The following YTHDC2 variants were observed in gnomAD, a reference collection of about 807,000 sequenced individuals.
YTHDC2 encodes the protein YTH N6-methyladenosine RNA binding protein C2, also known as 3'-5' RNA helicase YTHDC2.
In YTHDC2, 45 loss-of-function variants were observed where a neutral mutation model predicts 174.9. That is an observed-to-expected ratio of 0.26 (90% CI 0.20 to 0.33). The LOEUF is 0.33. Among genes scored for constraint, YTHDC2 ranks in the 10% least tolerant of loss-of-function variants. YTHDC2 has a pLI of 1.00. For missense variants in YTHDC2, 1,650 were observed against 1,723.7 expected, an observed-to-expected ratio of 0.96 and a Z score of 0.76; for synonymous variants, 657 against 574.5, an observed-to-expected ratio of 1.14 and a Z score of -2.05.
Position 113,524,967 on chromosome 5 carries a change from T to C in YTHDC2, c.279-14T>C, listed in dbSNP as rs754050563. On this transcript the variant is annotated splice_polypyrimidine_tract_variant and intron_variant, in intron 2 of 29. Coordinates refer to ENST00000161863, the MANE Select transcript of YTHDC2 (RefSeq NM_022828.5). ...ACTTTATATAGTAAATAAATGATTTTTATTAATATTCAGAAAGGGAGCAAA... is the reference window on the plus strand; with the variant it reads ...ACTTTATATAGTAAATAAATGATTTCTATTAATATTCAGAAAGGGAGCAAA... 9.0e-6 allele frequency: 14 copies of C among 1,552,894 alleles called. No individual in the cohort carries two copies. Among genetic ancestry groups the C allele is most frequent in the Middle Eastern group, 1.8e-4 (1 of 5,450 alleles).
chr5:113,566,446 CTTTTTTTT>C (rs34372128), intron 21 of YTHDC2, among the ~76,000 whole-genome samples: 1 of 122,440 alleles, frequency 8.2e-6, no homozygotes, highest in African/African-American at 3.2e-5. Flanking sequence ...TTGAAGTCAC[CTTTTTTTT>C]TTTTTTTTTT....
At chr5:113,588,324 C>T (rs1488537319) in intron 26 of YTHDC2, among the ~76,000 whole-genome samples, 1 of 151,882 alleles carries the variant, frequency 6.6e-6, no homozygotes, top group African/African-American at 2.4e-5. Flanking sequence ...AATTTCATTG[C>T]TTGATTTTCT....
intron 6 of YTHDC2, among the ~76,000 whole-genome samples, chr5:113,534,871 C>A (rs574327615): frequency 4.1e-4 from 63 of 152,214 alleles, no homozygotes; most frequent in Non-Finnish European, 4.9e-4. Flanking sequence ...GATGAGTTTA[C>A]CCCTTTGTTA....
At chr5:113,585,201 A>T (rs181374462) in intron 26 of YTHDC2, among the ~76,000 whole-genome samples, 3 of 138,362 alleles carry the variant, frequency 2.2e-5, no homozygotes, top group Admixed American at 7.0e-5. Context: ...TGGTTATATT[A>T]AAAAAAAAAC....
intron 20 of YTHDC2, among the ~76,000 whole-genome samples, chr5:113,564,985 T>C (rs1777235156): frequency 1.3e-5 from 2 of 152,108 alleles, no homozygotes; most frequent in African/African-American, 4.8e-5. Flanking sequence ...AGCTAATTTT[T>C]GTGTTTTTAG....
intron 10 of YTHDC2, among the ~76,000 whole-genome samples, chr5:113,546,642 A>G (rs1775905801): frequency 6.6e-6 from 1 of 152,212 alleles, no homozygotes; most frequent in Admixed American, 6.5e-5. Flanking sequence ...ATTACAGATG[A>G]TTCTAACACT....
At chr5:113,580,301 A>G (rs1369041596) in intron 24 of YTHDC2, among the ~76,000 whole-genome samples, 3 of 152,290 alleles carry the variant, frequency 2.0e-5, no homozygotes, top group East Asian at 3.9e-4. Flanking sequence ...TTCTGGATAT[A>G]TAAGAAAGTA....
rs1031025103 is a variant in YTHDC2, at chr5:113,553,962, T to C, written c.2073T>C (p.Ala691=). The C allele has an allele frequency of 1.9e-6, 3 of 1,587,702 alleles. No individual in the cohort carries two copies. Among genetic ancestry groups the C allele is most frequent in the East Asian group, 2.2e-5 (1 of 44,562 alleles). The stretch of plus-strand genomic sequence containing the variant: ...TGCAGATTCTTTCCACCAATATTGC[T>C]GAAACCAGCATCACAGTCAATGATG... ...VRKIILSTNI[A]ETSITVNDVV... is the part of the protein sequence containing the mutation. The change falls in exon 16 of 30, where the codon GCT becomes GCC. Residue 691 remains alanine, a synonymous_variant. Transcript: ENST00000161863.
intron 17 of YTHDC2, among the ~76,000 whole-genome samples, chr5:113,559,238 GA>G (rs1776805547): frequency 6.6e-6 from 1 of 151,870 alleles, no homozygotes; most frequent in South Asian, 2.1e-4. Context: ...TGCATCTTAT[GA>G]AAAAAATTAT....
At chr5:113,550,361 C>T (rs1776168046) in intron 12 of YTHDC2, among the ~76,000 whole-genome samples, 1 of 151,814 alleles carries the variant, frequency 6.6e-6, no homozygotes, top group Non-Finnish European at 1.5e-5. Context: ...ACTATCAGAT[C>T]ACAGAAAACT....
chr5:113,583,171 T>C (rs1778495053), intron 25 of YTHDC2: 1 of 152,176 alleles, frequency 6.6e-6, no homozygotes, highest in African/African-American at 2.4e-5. Flanking sequence ...TTGAGACAAC[T>C]GAGGAAATGA....
rs779103959 is a variant in YTHDC2 at position 113,563,868 on chromosome 5, G to T, written c.2452G>T (p.Ala818Ser). 1.2e-6 allele frequency: 2 copies of T among 1,613,976 alleles called. No homozygotes were observed. Among genetic ancestry groups the T allele is most frequent in the Non-Finnish European group, 1.7e-6 (2 of 1,180,018 alleles). The change falls in exon 20 of 30, where the codon GCA (alanine) becomes TCA (serine). Residue 818 changes from alanine to serine, a missense_variant. This residue lies in a region of YTHDC2 where 913 missense variants were observed against 940.4 expected (regional missense o/e 0.97). Coordinates refer to ENST00000161863, the MANE Select transcript of YTHDC2 (RefSeq NM_022828.5). ...NAVQMLKTIDAMDTWEDLTEL... is the reference protein window; with the variant it reads ...NAVQMLKTIDSMDTWEDLTEL... ...GTCTCCTTTTACTTAGACAATAGAT[G>T]CAATGGATACATGGGAAGATCTGAC...
chr5:113,541,773 G>A (rs185552332), intron 9 of YTHDC2, among the ~76,000 whole-genome samples: 41 of 151,478 alleles, frequency 2.7e-4, no homozygotes, highest in African/African-American at 3.9e-4. Context: ...AGATATGCAC[G>A]CTAAATATAC....
At position 113,563,854 on chromosome 5, in the gene YTHDC2, C is replaced by T; in HGVS notation, c.2443-5C>T. On this transcript the variant is annotated splice_polypyrimidine_tract_variant and splice_region_variant and intron_variant, in intron 19 of 29. Transcript: ENST00000161863. ...TCAAAGTCTGTTCTGTCTCCTTTTA[C>T]TTAGACAATAGATGCAATGGATACA... is the stretch of plus-strand genomic sequence containing the variant. 1 of 1,613,968 alleles carries T rather than the reference C, an allele frequency of 6.2e-7. No homozygotes were observed. Among genetic ancestry groups the T allele is most frequent in the Non-Finnish European group, 8.5e-7 (1 of 1,179,934 alleles).
At chr5:113,515,591 C>G (rs1485120075) in intron 2 of YTHDC2, among the ~76,000 whole-genome samples, 1 of 151,932 alleles carries the variant, frequency 6.6e-6, no homozygotes, top group Non-Finnish European at 1.5e-5. Flanking sequence ...TAGGAAAATG[C>G]TTTTTCTTCT....
intron 26 of YTHDC2, among the ~76,000 whole-genome samples, chr5:113,590,327 C>G (rs1267368813): frequency 6.6e-6 from 1 of 152,208 alleles, no homozygotes; most frequent in Non-Finnish European, 1.5e-5. Flanking sequence ...AGTTCCAATA[C>G]TAAGGTATGG....
chr5:113,575,883 A>G (rs145107177), intron 23 of YTHDC2, among the ~76,000 whole-genome samples: 136 of 152,260 alleles, frequency 8.9e-4, no homozygotes, highest in African/African-American at 3.0e-3. Flanking sequence ...GTGATCGCTG[A>G]TATGAAGAGA....
At chr5:113,514,419 C>T in intron 1 of YTHDC2, 1 of 517,220 alleles carries the variant, frequency 1.9e-6, no homozygotes. Context: ...GGGGTGTCAC[C>T]TAATTGTGGC....
chr5:113,586,517 G>C (rs2416319), intron 26 of YTHDC2, among the ~76,000 whole-genome samples: 51,292 of 151,410 alleles, frequency 0.34, 11,035 homozygotes, highest in African/African-American at 0.6. Flanking sequence ...AATTTTGATG[G>C]AGTCCATTTC....
Sources: gnomAD v4.1 joint callset for allele counts (sites outside exome capture counted in the v4.1 genomes callset) on GRCh38, gnomAD v4.1.1 for gene constraint, gnomAD v4.1.1 regional missense constraint, MANE v1.5 for transcripts, NCBI Gene and HGNC (gene_info 2026-07-23, HGNC 2026-07-21) for gene names.